The following KIF26B variants were observed in gnomAD, a reference collection of about 807,000 sequenced individuals.
KIF26B encodes kinesin family member 26B, also known as kinesin-like protein KIF26B.
In KIF26B, 63 loss-of-function variants were observed where a neutral mutation model predicts 151.2. The observed-to-expected ratio is 0.42, with a 90% confidence interval of 0.34 to 0.51. The LOEUF (loss-of-function observed/expected upper bound fraction) is 0.51. Among genes scored for constraint, KIF26B ranks in the 20% least tolerant of loss-of-function variants. KIF26B has a pLI of 0.07. For missense variants in KIF26B, 2,813 were observed against 2,913.6 expected, an observed-to-expected ratio of 0.97 and a Z score of 0.79; for synonymous variants, 1,357 against 1,262.1, an observed-to-expected ratio of 1.08 and a Z score of -1.59.
At chr1:245,355,544 T>C (rs1672674216) in intron 2 of KIF26B, among the ~76,000 whole-genome samples, 1 of 147,892 alleles carries the variant, frequency 6.8e-6, no homozygotes, top group African/African-American at 2.5e-5. Context: ...TGCAGTGAGC[T>C]GTGATCACGC....
At chr1:245,359,767 TG>T (rs1672776582) in intron 2 of KIF26B, among the ~76,000 whole-genome samples, 1 of 148,360 alleles carries the variant, frequency 6.7e-6, no homozygotes, top group Non-Finnish European at 1.5e-5. Flanking sequence ...GGTCTTGAAC[TG>T]CTGGCTCAAC....
At chr1:245,280,603 T>TG (rs1474729723) in intron 2 of KIF26B, among the ~76,000 whole-genome samples, 12 of 146,166 alleles carry the variant, frequency 8.2e-5, no homozygotes, top group African/African-American at 1.5e-4. Flanking sequence ...TTTCGTTTTT[T>TG]TTTTTTTTTT....
chr1:245,695,759 TCTACTCCCA>T (rs1371058583), intron 12 of KIF26B, among the ~76,000 whole-genome samples: 9 of 151,798 alleles, frequency 5.9e-5, no homozygotes, highest in East Asian at 3.9e-4. Flanking sequence ...TTTTACCTTC[TCTACTCCCA>T]GCTCACACGG....
At chr1:245,448,651 C>T (rs1016937126) in intron 4 of KIF26B, among the ~76,000 whole-genome samples, 8 of 152,152 alleles carry the variant, frequency 5.3e-5, no homozygotes, top group South Asian at 2.1e-4. Context: ...GCCTGGAGGA[C>T]GCCTTGCAGC....
chr1:245,554,174 C>T (rs576643239), intron 5 of KIF26B, among the ~76,000 whole-genome samples: 1 of 152,304 alleles, frequency 6.6e-6, no homozygotes, highest in South Asian at 2.1e-4. Context: ...TAACCATTCA[C>T]CACTCTGTTG....
chr1:245,328,041 G>A (rs915118364), intron 2 of KIF26B, among the ~76,000 whole-genome samples: 1 of 152,124 alleles, frequency 6.6e-6, no homozygotes, highest in Admixed American at 6.5e-5. Flanking sequence ...GCAGAGAGGG[G>A]ACTATCTGAG....
chr1:245,611,887 A>T lies in KIF26B; in HGVS notation c.2009A>T (p.Asp670Val). ...AIASRRSHQQ[D>V]CDEDDHRNSH... ...GCCTCCCGCAGGAGCCACCAACAGG[A>T]CTGTGATGAGGACGACCACCGCAAC... The change falls in exon 9 of 15, where the codon GAC (aspartate) becomes GTC (valine). Residue 670 changes from aspartate (D) to valine (V), a missense_variant. Around this residue, in one of 3 missense-constraint regions of KIF26B, gnomAD observed 2,060 missense variants for 2,088.6 expected, o/e 0.99. Transcript: ENST00000407071. 1 of 1,612,964 alleles carries T rather than the reference A, an allele frequency of 6.2e-7. No individual in the cohort carries two copies. Among genetic ancestry groups the T allele is most frequent in the Non-Finnish European group, 8.5e-7 (1 of 1,179,620 alleles).
rs2043492187 is a variant in KIF26B, at chr1:245,609,259, C to T, written c.1652-7C>T. On this transcript the variant is annotated splice_polypyrimidine_tract_variant and splice_region_variant and intron_variant, in intron 7 of 14. Transcript: ENST00000407071. ...ACCTGCTTTTCTTCCTTCCCTGGTT[C>T]TCCCAGGAAAATCCTACACCATGAT... 6.3e-7 allele frequency: 1 copy of T among 1,588,788 alleles called. No individual in the cohort carries two copies. Among genetic ancestry groups the T allele is most frequent in the East Asian group, 2.3e-5 (1 of 44,292 alleles).
chr1:245,344,494 C>CAAAAAAA (rs57007301), intron 2 of KIF26B, among the ~76,000 whole-genome samples: 10 of 40,022 alleles, frequency 2.5e-4, no homozygotes, highest in African/African-American at 4.4e-4. Context: ...GACTCCGTCT[C>CAAAAAAA]AAAAAAAAAA....
intron 3 of KIF26B, among the ~76,000 whole-genome samples, chr1:245,417,956 CA>C (rs201911724): frequency 0.026 from 3,852 of 151,008 alleles, 173 homozygotes; most frequent in African/African-American, 0.088. Flanking sequence ...GTGTCAAAAT[CA>C]GATGTATGTC....
chr1:245,453,945 A>C (rs1051489932), intron 4 of KIF26B, among the ~76,000 whole-genome samples: 1 of 152,230 alleles, frequency 6.6e-6, no homozygotes, highest in African/African-American at 2.4e-5. Flanking sequence ...TATTCTCATC[A>C]TGTTCAAGCA....
At chr1:245,452,737 G>C (rs986115800) in intron 4 of KIF26B, among the ~76,000 whole-genome samples, 7 of 151,932 alleles carry the variant, frequency 4.6e-5, no homozygotes, top group African/African-American at 1.7e-4. Flanking sequence ...CTGGTCATTT[G>C]AATATCTTCT....
At chr1:245,333,327 C>T (rs189079380) in intron 2 of KIF26B, among the ~76,000 whole-genome samples, 4 of 152,196 alleles carry the variant, frequency 2.6e-5, no homozygotes, top group Non-Finnish European at 4.4e-5. Context: ...GATGTTAAGT[C>T]GAATCAGCCA....
At chr1:245,434,080 TC>T (rs1407137317) in intron 4 of KIF26B, among the ~76,000 whole-genome samples, 1 of 152,208 alleles carries the variant, frequency 6.6e-6, no homozygotes, top group African/African-American at 2.4e-5. Flanking sequence ...CTCATTTTTC[TC>T]TAATAAGTTT....
intron 3 of KIF26B, among the ~76,000 whole-genome samples, chr1:245,410,524 C>T (rs944368075): frequency 4.6e-5 from 7 of 152,156 alleles, no homozygotes; most frequent in Admixed American, 2.6e-4. Context: ...TCATAGCTCA[C>T]TGTAGCCCCC....
chr1:245,253,871 G>T (rs556432930), intron 2 of KIF26B, among the ~76,000 whole-genome samples: 11 of 137,372 alleles, frequency 8.0e-5, no homozygotes, highest in African/African-American at 3.0e-4. Context: ...GTGCAGTGGC[G>T]CGATCCCTGC....
Position 245,196,846 on chromosome 1 carries a change from G to A in KIF26B, c.465+40163G>A, listed in dbSNP as rs374193128. On this transcript the variant is annotated intron_variant, in intron 2 of 14. Coordinates refer to ENST00000407071, the MANE Select transcript of KIF26B (RefSeq NM_018012.4). The stretch of plus-strand genomic sequence containing the variant: ...CCGAGCATACCCTGCTTTGACCACG[G>A]TCCTATTACCCCTATCCTCAGAGGT... 8.3e-4 allele frequency among the ~76,000 whole-genome samples: 126 copies of A among 152,064 alleles called. 2 individuals carry two copies. In the East Asian group the frequency reaches 0.015, roughly 18 times the overall value.
intron 2 of KIF26B, among the ~76,000 whole-genome samples, chr1:245,280,824 A>G (rs1671034934): frequency 1.8e-5 from 2 of 110,574 alleles, no homozygotes; most frequent in Admixed American, 1.0e-4. Context: ...CTCATTGTTC[A>G]GTTCCCACCT....
chr1:245,173,756 C>T (rs946612220), intron 2 of KIF26B, among the ~76,000 whole-genome samples: 21 of 152,182 alleles, frequency 1.4e-4, no homozygotes, highest in African/African-American at 4.1e-4. Context: ...AGGAGTCCCC[C>T]CCACCTTTTT....
Sources: allele counts gnomAD v4.1 joint callset (sites outside exome capture counted in the v4.1 genomes callset), GRCh38; gene constraint gnomAD v4.1.1; regional missense constraint gnomAD v4.1.1; transcripts MANE v1.5; gene names NCBI Gene and HGNC (gene_info 2026-07-23, HGNC 2026-07-21).